MCC: variants seen among roughly 807,000 people sequenced by gnomAD.
MCC encodes the protein colorectal mutant cancer protein.
A neutral mutation model predicts 116.2 loss-of-function variants in MCC; 90 were observed. That is an observed-to-expected ratio of 0.77 (90% CI 0.65 to 0.92). The LOEUF is 0.92. Ranked by LOEUF, MCC falls within the 40% of genes least tolerant of loss-of-function variation. The pLI is 0.00. For synonymous variants in MCC, 578 were observed against 510.5 expected (o/e 1.13, Z -1.78); for missense variants, 1,516 against 1,312.2 (o/e 1.16, Z -2.40).
intron 3 of MCC, among the ~76,000 whole-genome samples, chr5:113,338,634 G>A (rs2150378089): frequency 6.6e-6 from 1 of 152,332 alleles, no homozygotes; most frequent in African/African-American, 2.4e-5. Context: ...AACCCATCCT[G>A]TTATGGCAAT....
chr5:113,257,958 C>T (rs1765082586), intron 3 of MCC, among the ~76,000 whole-genome samples: 1 of 152,108 alleles, frequency 6.6e-6, no homozygotes, highest in African/African-American at 2.4e-5. Context: ...GGTCTGGTGA[C>T]AAGCTGAGGA....
At chr5:113,090,212 G>A (rs1755505695) in intron 8 of MCC, among the ~76,000 whole-genome samples, 1 of 152,080 alleles carries the variant, frequency 6.6e-6, no homozygotes, top group African/African-American at 2.4e-5. Flanking sequence ...GAAAGGAGGT[G>A]AGGACGGGCA....
chr5:113,093,387 G>A (rs1428016231), intron 8 of MCC, among the ~76,000 whole-genome samples: 2 of 152,118 alleles, frequency 1.3e-5, no homozygotes, highest in African/African-American at 4.8e-5. Flanking sequence ...AGCGCACTGT[G>A]ATTACACCTG....
chr5:113,044,507 T>C (rs1751940277), intron 16 of MCC: 2 of 983,058 alleles, frequency 2.0e-6, no homozygotes, highest in Admixed American at 6.2e-5. Flanking sequence ...ACATGAGTGC[T>C]ACCAAGCTGC....
intron 17 of MCC, among the ~76,000 whole-genome samples, chr5:113,032,621 C>T (rs1046760741): frequency 6.6e-5 from 10 of 152,140 alleles, no homozygotes; most frequent in African/African-American, 2.2e-4. Context: ...TTAATGCTGT[C>T]AGAGGCATGT....
chr5:113,242,716 T>A (rs1764420888), intron 3 of MCC, among the ~76,000 whole-genome samples: 1 of 152,092 alleles, frequency 6.6e-6, no homozygotes, highest in African/African-American at 2.4e-5. Flanking sequence ...GGTAACCAGA[T>A]GGACACAGTT....
At chr5:113,449,304 G>T (rs1241644756) in intron 1 of MCC, among the ~76,000 whole-genome samples, 2 of 152,174 alleles carry the variant, frequency 1.3e-5, no homozygotes, top group East Asian at 3.8e-4. Context: ...GAAAGATAAG[G>T]TTGAAGAATG....
intron 6 of MCC, among the ~76,000 whole-genome samples, chr5:113,105,985 T>C (rs1377647675): frequency 2.0e-5 from 3 of 152,168 alleles, no homozygotes; most frequent in African/African-American, 7.2e-5. Flanking sequence ...CCCAGACCAA[T>C]TAAATCACAA....
At chr5:113,207,667 G>T (rs76125077) in intron 3 of MCC, among the ~76,000 whole-genome samples, 2,452 of 152,130 alleles carry the variant, frequency 0.016, 70 homozygotes, top group African/African-American at 0.054. Flanking sequence ...GTTTTCCTAG[G>T]GCACTTAAAA....
At position 113,307,129 on chromosome 5, in the gene MCC, C is replaced by T. The variant is rs1375005604; in HGVS notation, c.627+33390G>A. 2.0e-5 allele frequency among the ~76,000 whole-genome samples: 3 copies of T among 152,278 alleles called. No individual in the cohort carries two copies. In the East Asian group the frequency reaches 5.8e-4, roughly 29 times the overall value. On this transcript the variant is annotated intron_variant, in intron 3 of 18. Transcript: ENST00000408903. ...TTGTTCTTCTTCAGGGTTGCTTGGGCTCTTCTGAGTCCCTTGCATTTCAAA... is the reference window on the plus strand; with the variant it reads ...TTGTTCTTCTTCAGGGTTGCTTGGGTTCTTCTGAGTCCCTTGCATTTCAAA...
intron 3 of MCC, chr5:113,294,205 G>T: frequency 2.6e-6 from 3 of 1,166,754 alleles, no homozygotes; most frequent in Non-Finnish European, 3.6e-6. Flanking sequence ...CTTCAATTGC[G>T]CTGCCTCCAG....
chr5:113,249,853 C>A (rs1226366564), intron 3 of MCC, among the ~76,000 whole-genome samples: 1 of 152,156 alleles, frequency 6.6e-6, no homozygotes, highest in African/African-American at 2.4e-5. Flanking sequence ...CACCCTCTAC[C>A]CCCACGCCTT....
At chr5:113,387,517 T>C (rs984358375) in intron 1 of MCC, among the ~76,000 whole-genome samples, 5 of 152,216 alleles carry the variant, frequency 3.3e-5, no homozygotes, top group Non-Finnish European at 5.9e-5. Flanking sequence ...AAATAAGGAT[T>C]TCTTTTTTAG....
At chr5:113,465,846 T>C (rs1265937043) in intron 1 of MCC, among the ~76,000 whole-genome samples, 1 of 152,190 alleles carries the variant, frequency 6.6e-6, no homozygotes, top group Non-Finnish European at 1.5e-5. Flanking sequence ...AGAAAGGTTA[T>C]AATAGTTAAT....
intron 14 of MCC, among the ~76,000 whole-genome samples, chr5:113,059,186 A>T (rs1753043149): frequency 6.6e-6 from 1 of 152,058 alleles, no homozygotes; most frequent in Non-Finnish European, 1.5e-5. Flanking sequence ...CACAGATCTT[A>T]CCCTGTTGGA....
chr5:113,479,585 A>T (rs1481093959), intron 1 of MCC, among the ~76,000 whole-genome samples: 1 of 152,118 alleles, frequency 6.6e-6, no homozygotes, highest in Non-Finnish European at 1.5e-5. Context: ...TTACTTTACA[A>T]TCCTAAGTAG....
intron 3 of MCC, among the ~76,000 whole-genome samples, chr5:113,295,412 A>C (rs1304527918): frequency 1.3e-5 from 2 of 149,060 alleles, no homozygotes; most frequent in African/African-American, 4.9e-5. Flanking sequence ...GGCAGAGTAC[A>C]TTTTCTGCAT....
chr5:113,092,703 G>A (rs1039337668), intron 8 of MCC, among the ~76,000 whole-genome samples: 2 of 152,172 alleles, frequency 1.3e-5, no homozygotes, highest in Non-Finnish European at 2.9e-5. Flanking sequence ...AACAATGAAA[G>A]TACAAGAGCT....
chr5:113,100,622 G>C (rs1436505433), intron 8 of MCC, among the ~76,000 whole-genome samples: 1 of 151,954 alleles, frequency 6.6e-6, no homozygotes, highest in African/African-American at 2.4e-5. Flanking sequence ...CAGGCACACA[G>C]CACCATGTCT....
Sources: gnomAD v4.1 joint callset for allele counts (sites outside exome capture counted in the v4.1 genomes callset) on GRCh38, gnomAD v4.1.1 for gene constraint, MANE v1.5 for transcripts, NCBI Gene and HGNC (gene_info 2026-07-23, HGNC 2026-07-21) for gene names.